Variants in ENPP1 observed in about 807,000 individuals in gnomAD.
ENPP1 encodes the protein ectonucleotide pyrophosphatase/phosphodiesterase 1, also known as ectonucleotide pyrophosphatase/phosphodiesterase family member 1.
ENPP1 carries 73 observed loss-of-function variants against 122.8 expected under a neutral mutation model. That is an observed-to-expected ratio of 0.59 (90% CI 0.49 to 0.72). The LOEUF is 0.72. Ranked by LOEUF, ENPP1 falls within the 30% of genes least tolerant of loss-of-function variation. ENPP1 has a pLI of 0.00. For synonymous variants in ENPP1, 367 were observed against 391.6 expected (o/e 0.94, Z 0.74); for missense variants, 978 against 1,128.1 (o/e 0.87, Z 1.91).
Position 131,861,577 on chromosome 6 carries a change from C to G in ENPP1, c.916-18C>G, listed in dbSNP as rs1021684362. 3 of 1,489,382 alleles carry G rather than the reference C, an allele frequency of 2.0e-6. No homozygotes were observed. Among genetic ancestry groups the G allele is most frequent in the African/African-American group, 2.8e-5 (2 of 72,540 alleles). The allele number at this position is 1,489,382 out of a possible 1,614,324, so 92.3% of individuals were successfully genotyped here. A position where few individuals can be genotyped will look rare whatever the true frequency, so the allele number is the denominator to read the frequency against. ...ATGTTTGCATGATTTCTTAATTTTC[C>G]TTCATTTTCTGCTCCAGATTTGGGT... On this transcript the variant is annotated intron_variant, in intron 8 of 24. Transcript: ENST00000647893.
In ENPP1 at chr6:131,890,784, G is replaced by C. The variant is rs1440085263; in HGVS notation, c.*273G>C. ...AGACCACACCTAAAACTGCCTTTCT[G>C]CTTCTCTTAAAGGAGAAGTAGCTGT... On this transcript the variant is annotated 3_prime_UTR_variant, in exon 25 of 25. Transcript: ENST00000647893. 7 of 448,616 alleles carry C rather than the reference G, an allele frequency of 1.6e-5. No homozygotes were observed. Among genetic ancestry groups the C allele is most frequent in the Non-Finnish European group, 2.8e-5 (7 of 246,992 alleles). 27.8% of individuals were successfully genotyped at this position (448,616 alleles called of 1,614,324 possible).
At chr6:131,845,763 G>A (rs1781802320) in intron 1 of ENPP1, among the ~76,000 whole-genome samples, 1 of 152,034 alleles carries the variant, frequency 6.6e-6, no homozygotes, top group African/African-American at 2.4e-5. Context: ...TATTTTTAGA[G>A]ATTATCTTTC....
At chr6:131,837,665 G>C (rs979940795) in intron 1 of ENPP1, among the ~76,000 whole-genome samples, 1 of 152,000 alleles carries the variant, frequency 6.6e-6, no homozygotes, top group Non-Finnish European at 1.5e-5. Context: ...TAAGTTGATA[G>C]GTATTCCTAT....
Position 131,893,984 on chromosome 6 carries a change from T to C in ENPP1, c.*3473T>C, listed in dbSNP as rs1161482211. On this transcript the variant is annotated 3_prime_UTR_variant, in exon 25 of 25. Coordinates refer to ENST00000647893, the MANE Select transcript of ENPP1 (RefSeq NM_006208.3). Reference sequence around the variant, plus strand: ...TTTTTTTTTTTTTTTTTTTTTGAGATGCTCTGTCACCCAGGCTGGAGTGCA... The same window carrying C: ...TTTTTTTTTTTTTTTTTTTTTGAGACGCTCTGTCACCCAGGCTGGAGTGCA... 1 of 128,942 alleles carries C rather than the reference T, an allele frequency of 7.8e-6. No homozygotes were observed. The highest frequency in any genetic ancestry group is 8.5e-5 in the Admixed American group (1 of 11,774). 8.0% of individuals were successfully genotyped at this position (128,942 alleles called of 1,614,324 possible). A position where few individuals can be genotyped will look rare whatever the true frequency, so the allele number is the denominator to read the frequency against.
At chr6:131,818,080 C>G (rs1481554781) in intron 1 of ENPP1, among the ~76,000 whole-genome samples, 2 of 152,018 alleles carry the variant, frequency 1.3e-5, no homozygotes, top group Non-Finnish European at 2.9e-5. Context: ...GCTTAGAAAG[C>G]TTTTTTTGAC....
At chr6:131,880,344 A>G (rs189785505) in intron 20 of ENPP1, among the ~76,000 whole-genome samples, 61 of 152,246 alleles carry the variant, frequency 4.0e-4, no homozygotes, top group African/African-American at 1.2e-3. Flanking sequence ...CGGGCAGATC[A>G]CGAGGTCAGG....
At chr6:131,825,953 A>G (rs1057443523) in intron 1 of ENPP1, 7 of 507,934 alleles carry the variant, frequency 1.4e-5, no homozygotes, top group African/African-American at 1.3e-4. Context: ...TTCAAAAATG[A>G]TTTTGAAACA....
chr6:131,878,033 G>A (rs1401778354), intron 18 of ENPP1, among the ~76,000 whole-genome samples: 1 of 151,314 alleles, frequency 6.6e-6, no homozygotes, highest in Non-Finnish European at 1.5e-5. Flanking sequence ...AATTACTGGT[G>A]TGATGCTTAT....
At position 131,847,653 on chromosome 6, in the gene ENPP1, C is replaced by A. The variant is rs532210201; in HGVS notation, c.241-123C>A. The A allele has an allele frequency of 2.2e-4, 152 of 702,604 alleles. No individual in the cohort carries two copies. The East Asian group carries it at 3.3e-3, about 15-fold the overall frequency. The allele number at this position is 702,604 out of a possible 1,614,324, so 43.5% of individuals were successfully genotyped here. On this transcript the variant is annotated intron_variant, in intron 1 of 24. Coordinates refer to ENST00000647893, the MANE Select transcript of ENPP1 (RefSeq NM_006208.3). ...GCCAGGATTTCGAGGTTACAGTGAA[C>A]TATGATCATGCCACTGTACCCTAGC... is the stretch of plus-strand genomic sequence containing the variant.
intron 1 of ENPP1, among the ~76,000 whole-genome samples, chr6:131,829,103 G>T (rs1294258414): frequency 6.6e-6 from 1 of 152,206 alleles, no homozygotes; most frequent in Non-Finnish European, 1.5e-5. Context: ...TCTTGCCTAG[G>T]CAGGAAAAAC....
At chr6:131,819,590 C>T (rs913329426) in intron 1 of ENPP1, among the ~76,000 whole-genome samples, 2 of 152,168 alleles carry the variant, frequency 1.3e-5, no homozygotes, top group African/African-American at 4.8e-5. Flanking sequence ...GATAATGAGA[C>T]AAACGTGCAT....
intron 1 of ENPP1, chr6:131,819,939 C>CTTTTTTTTTTT (rs35498599): frequency 2.4e-6 from 1 of 418,750 alleles, no homozygotes; most frequent in Non-Finnish European, 4.5e-6. Flanking sequence ...TCCATAGCTT[C>CTTTTTTTTTTT]TTTTTTTTTT....
Position 131,858,684 on chromosome 6 carries a change from T to C in ENPP1, c.732T>C (p.Tyr244=), listed in dbSNP as rs747815285. Reference sequence around the variant, plus strand: ...CCCTTCTAGAAAAATGTGGAACATATACTAAAAACATGAGACCGGTATATC... The same window carrying C: ...CCCTTCTAGAAAAATGTGGAACATACACTAAAAACATGAGACCGGTATATC... The part of the protein sequence containing the change: ...VISKLKKCGT[Y]TKNMRPVYPT... Residue 244 remains tyrosine, a synonymous_variant, in exon 7 of 25, where the codon TAT becomes TAC. Transcript: ENST00000647893. The C allele has an allele frequency of 5.6e-6, 9 of 1,607,248 alleles. No homozygotes were observed. Among genetic ancestry groups the C allele is most frequent in the Middle Eastern group, 1.6e-4 (1 of 6,078 alleles).
intron 1 of ENPP1, among the ~76,000 whole-genome samples, chr6:131,821,872 G>C (rs952383886): frequency 2.0e-5 from 3 of 152,158 alleles, no homozygotes; most frequent in Non-Finnish European, 2.9e-5. Flanking sequence ...CGCTTTTTCA[G>C]GTGATGTAAA....
chr6:131,845,042 GGT>G (rs1491383492), intron 1 of ENPP1, among the ~76,000 whole-genome samples: 67 of 119,092 alleles, frequency 5.6e-4, no homozygotes, highest in African/African-American at 2.3e-3. Context: ...AATTCTTCAT[GGT>G]TTTTTTTTTT....
At chr6:131,860,993 A>G (rs1442659730) in intron 8 of ENPP1, among the ~76,000 whole-genome samples, 1 of 152,192 alleles carries the variant, frequency 6.6e-6, no homozygotes, top group Admixed American at 6.5e-5. Flanking sequence ...AAAAATTGCC[A>G]CAATAATTAT....
rs1256438911 is a variant in ENPP1, at chr6:131,827,273, G to A, written c.240+18998G>A. On this transcript the variant is annotated intron_variant, in intron 1 of 24. Coordinates refer to ENST00000647893, the MANE Select transcript of ENPP1 (RefSeq NM_006208.3). Reference sequence around the variant, plus strand: ...TGACCTCTGATAGGAATATGGAGAAGCGTCTGGAATAAAAAGGATCATACT... The same window carrying A: ...TGACCTCTGATAGGAATATGGAGAAACGTCTGGAATAAAAAGGATCATACT... 4.6e-5 allele frequency: 59 copies of A among 1,292,466 alleles called. No individual in the cohort carries two copies. In the South Asian group the frequency reaches 6.0e-4, roughly 13 times the overall value. The allele number at this position is 1,292,466 out of a possible 1,614,324, so 80.1% of individuals were successfully genotyped here. A position where few individuals can be genotyped will look rare whatever the true frequency, so the allele number is the denominator to read the frequency against.
At chr6:131,857,019 C>T (rs1224426999) in intron 6 of ENPP1, among the ~76,000 whole-genome samples, 2 of 152,094 alleles carry the variant, frequency 1.3e-5, no homozygotes, top group African/African-American at 4.8e-5. Flanking sequence ...TTTTCCAATT[C>T]TGTGAAGAAA....
At chr6:131,845,812 A>T (rs1781803068) in intron 1 of ENPP1, among the ~76,000 whole-genome samples, 1 of 152,148 alleles carries the variant, frequency 6.6e-6, no homozygotes, top group African/African-American at 2.4e-5. Flanking sequence ...TCAGAAGTTT[A>T]GGAGAATCCA....
Sources: allele counts gnomAD v4.1 joint callset (sites outside exome capture counted in the v4.1 genomes callset), GRCh38; gene constraint gnomAD v4.1.1; transcripts MANE v1.5; gene names NCBI Gene and HGNC (gene_info 2026-07-23, HGNC 2026-07-21).